WDR49: variants seen among roughly 807,000 people sequenced by gnomAD.
WDR49 encodes cilia- and flagella-associated protein 337.
A neutral mutation model predicts 119.5 loss-of-function variants in WDR49; 107 were observed. That is an observed-to-expected ratio of 0.90 (90% CI 0.77 to 1.05). The LOEUF (loss-of-function observed/expected upper bound fraction) is 1.05, where lower values mean the gene tolerates loss of function less well. Ranked by LOEUF, WDR49 falls within the 50% of genes least tolerant of loss-of-function variation. WDR49 has a pLI of 0.00. For missense variants in WDR49, 1,240 were observed against 1,220.5 expected, an observed-to-expected ratio of 1.02 and a Z score of -0.24; for synonymous variants, 425 against 418.8, an observed-to-expected ratio of 1.01 and a Z score of -0.18.
chr3:167,644,287 C>T (rs1384336559), intron 2 of WDR49, among the ~76,000 whole-genome samples: 1 of 152,022 alleles, frequency 6.6e-6, no homozygotes, highest in African/African-American at 2.4e-5. Context: ...GTTATGAAGA[C>T]ATGCCAGCAT....
chr3:167,623,976 AC>A (rs1716991984), intron 3 of WDR49, among the ~76,000 whole-genome samples: 1 of 152,034 alleles, frequency 6.6e-6, no homozygotes. Context: ...TGCAGTTTTT[AC>A]AAAGTATCCA....
intron 16 of WDR49, among the ~76,000 whole-genome samples, chr3:167,507,344 G>A (rs76927088): frequency 0.03 from 4,621 of 152,154 alleles, 218 homozygotes; most frequent in African/African-American, 0.11. Context: ...GTAAGAATTA[G>A]TATTTAGCCA....
intron 18 of WDR49, among the ~76,000 whole-genome samples, chr3:167,480,702 C>T (rs1216238552): frequency 3.9e-5 from 6 of 152,066 alleles, no homozygotes; most frequent in African/African-American, 1.4e-4. Context: ...AGAAGCAAAA[C>T]AGCTGAGATA....
chr3:167,491,345 C>A (rs1751125808), intron 18 of WDR49, among the ~76,000 whole-genome samples: 1 of 152,112 alleles, frequency 6.6e-6, no homozygotes, highest in Non-Finnish European at 1.5e-5. Flanking sequence ...TTTAAGAAAT[C>A]TCTCTACATT....
intron 8 of WDR49, among the ~76,000 whole-genome samples, chr3:167,567,340 C>T (rs1447463502): frequency 1.3e-5 from 2 of 152,172 alleles, no homozygotes; most frequent in Non-Finnish European, 2.9e-5. Context: ...TTTATCACAT[C>T]TTGAATTTCC....
chr3:167,608,942 C>A (rs1265832196), intron 5 of WDR49, among the ~76,000 whole-genome samples: 1 of 152,182 alleles, frequency 6.6e-6, no homozygotes, highest in African/African-American at 2.4e-5. Context: ...TTAAGGGACC[C>A]TGCCATCGAT....
chr3:167,556,801 C>T (rs147559976), intron 9 of WDR49, among the ~76,000 whole-genome samples: 40,972 of 151,362 alleles, frequency 0.27, 5,751 homozygotes, highest in South Asian at 0.31. Flanking sequence ...CTGAGGCGGG[C>T]GGATCACAAG....
intron 2 of WDR49, among the ~76,000 whole-genome samples, chr3:167,646,858 A>G (rs1195348057): frequency 6.6e-6 from 1 of 152,112 alleles, no homozygotes; most frequent in Non-Finnish European, 1.5e-5. Context: ...TCACATCCAT[A>G]GAACGTTGGT....
intron 5 of WDR49, among the ~76,000 whole-genome samples, chr3:167,613,996 T>C (rs1307155375): frequency 6.6e-6 from 1 of 152,110 alleles, no homozygotes; most frequent in Admixed American, 6.5e-5. Context: ...GTTTTGTATC[T>C]TCTTCTAGCC....
intron 3 of WDR49, among the ~76,000 whole-genome samples, chr3:167,623,331 T>G (rs1716958047): frequency 6.6e-6 from 1 of 152,032 alleles, no homozygotes; most frequent in Admixed American, 6.6e-5. Flanking sequence ...ACAAAAAAGT[T>G]TACACATCAT....
intron 3 of WDR49, among the ~76,000 whole-genome samples, chr3:167,625,422 T>G (rs1717088521): frequency 6.6e-6 from 1 of 152,126 alleles, no homozygotes; most frequent in Non-Finnish European, 1.5e-5. Context: ...ACTCATTGTT[T>G]ATCTTTAGAG....
chr3:167,485,354 GTAAATAAAAATAAAAATAAA>G (rs1425467914), intron 18 of WDR49, among the ~76,000 whole-genome samples: 2 of 150,836 alleles, frequency 1.3e-5, no homozygotes, highest in Admixed American at 6.6e-5. Flanking sequence ...AGAACTCAAA[GTAAATAAAAATAAAAATAAA>G]TAAATAAAAA....
rs1454200749 is a variant in WDR49 at position 167,529,055 on chromosome 3, T to C, written c.2403A>G (p.Ile801Met). The change falls in exon 14 of 19, where the codon ATA (isoleucine) becomes ATG (methionine). Residue 801 changes from isoleucine to methionine, a missense_variant. Physicochemically the swap from Ile to Met is conservative, Grantham distance 10. Coordinates refer to ENST00000682715, the MANE Select transcript of WDR49 (RefSeq NM_001366157.1). Reference protein sequence around the residue: ...DLDGWLKIWNIEEYCLNSSKN... With the variant: ...DLDGWLKIWNMEEYCLNSSKN... ...GTGATAATGTTTTTCAATTTACCTC[T>C]ATATTCCAGATTTTCAACCATCCAT... The C allele has an allele frequency of 6.4e-7, 1 of 1,571,480 alleles. No homozygotes were observed. The highest frequency in any genetic ancestry group is 8.6e-7 in the Non-Finnish European group (1 of 1,164,658).
chr3:167,575,698 C>T (rs1287719155), intron 8 of WDR49, among the ~76,000 whole-genome samples: 1 of 152,202 alleles, frequency 6.6e-6, no homozygotes, highest in Non-Finnish European at 1.5e-5. Flanking sequence ...TTCCTTATAA[C>T]TCTATCACTG....
At chr3:167,493,412 C>T (rs1423679253) in intron 18 of WDR49, among the ~76,000 whole-genome samples, 1 of 152,164 alleles carries the variant, frequency 6.6e-6, no homozygotes, top group Non-Finnish European at 1.5e-5. Context: ...ATTGGTTCTG[C>T]AGTGAGTTCT....
intron 5 of WDR49, among the ~76,000 whole-genome samples, chr3:167,614,685 T>C (rs916103472): frequency 9.2e-5 from 14 of 152,248 alleles, no homozygotes. Context: ...AATACTCTTC[T>C]GTCTGAAACT....
chr3:167,631,633 CT>C (rs554433228), intron 2 of WDR49, among the ~76,000 whole-genome samples: 114 of 152,210 alleles, frequency 7.5e-4, no homozygotes, highest in Non-Finnish European at 1.4e-3. Flanking sequence ...AGAGAATAAA[CT>C]TTTCCCACCA....
Position 167,653,350 on chromosome 3 carries a change from C to A in WDR49, c.76G>T (p.Gly26Cys). ...CCATAGTCTTCAAATGCAGTTACAC[C>A]TTCTGTTCTCTCAGGACTCTTTGGC... ...LGPKSPERTE[G>C]VTAFEDYGTG... The change falls in exon 2 of 19, where the codon GGT becomes TGT. Residue 26 changes from glycine to cysteine, a missense_variant. Transcript: ENST00000682715. 1 of 1,536,096 alleles carries A rather than the reference C, an allele frequency of 6.5e-7. No individual in the cohort carries two copies. Among genetic ancestry groups the A allele is most frequent in the Non-Finnish European group, 8.7e-7 (1 of 1,146,884 alleles).
intron 7 of WDR49, among the ~76,000 whole-genome samples, chr3:167,601,359 A>T (rs1454041557): frequency 1.3e-5 from 2 of 152,216 alleles, no homozygotes. Context: ...ATATTTTAGC[A>T]TACAACAAAA....
Sources: allele counts gnomAD v4.1 joint callset (sites outside exome capture counted in the v4.1 genomes callset), GRCh38; gene constraint gnomAD v4.1.1; transcripts MANE v1.5; gene names NCBI Gene and HGNC (gene_info 2026-07-23, HGNC 2026-07-21).